NREP: variants seen among roughly 807,000 people sequenced by gnomAD.
NREP encodes the protein neuronal regeneration related protein, also known as neuronal regeneration-related protein.
In NREP, 5 loss-of-function variants were observed where a neutral mutation model predicts 8.6. That is an observed-to-expected ratio of 0.58 (90% CI 0.30 to 1.22). The LOEUF (loss-of-function observed/expected upper bound fraction) is 1.22. Ranked by LOEUF, NREP falls within the 50% of genes most tolerant of loss-of-function variation. NREP has a pLI of 0.07. For missense variants in NREP, 86 were observed against 82.5 expected (o/e 1.04, Z -0.17); for synonymous variants, 27 against 28.0 (o/e 0.96, Z 0.11).
At chr5:111,749,025 G>A (rs1312203169) in intron 2 of NREP, among the ~76,000 whole-genome samples, 1 of 152,136 alleles carries the variant, frequency 6.6e-6, no homozygotes, top group African/African-American at 2.4e-5. Flanking sequence ...GTCAGGAGGT[G>A]TATTCCTTCT....
At chr5:111,933,086 T>G (rs1755588219) in intron 2 of NREP, among the ~76,000 whole-genome samples, 2 of 152,070 alleles carry the variant, frequency 1.3e-5, no homozygotes, top group South Asian at 4.1e-4. Flanking sequence ...TTGAAAGAAT[T>G]TTTTTGACTC....
intron 2 of NREP, among the ~76,000 whole-genome samples, chr5:111,807,530 T>A (rs1176925072): frequency 6.6e-6 from 1 of 152,158 alleles, no homozygotes; most frequent in Admixed American, 6.5e-5. Context: ...AGAAAATTTC[T>A]ACTTTTAAGA....
At chr5:111,793,728 A>G (rs1010738934) in intron 2 of NREP, among the ~76,000 whole-genome samples, 2 of 152,310 alleles carry the variant, frequency 1.3e-5, no homozygotes, top group African/African-American at 4.8e-5. Flanking sequence ...TTTACGCTCA[A>G]TGAATGCTAA....
At chr5:111,962,751 G>A (rs1756514700) in intron 2 of NREP, among the ~76,000 whole-genome samples, 1 of 152,168 alleles carries the variant, frequency 6.6e-6, no homozygotes, top group Admixed American at 6.5e-5. Flanking sequence ...AGTCGGTAGA[G>A]AGAGAAAGAA....
chr5:111,772,423 A>G (rs1197680827), intron 2 of NREP, among the ~76,000 whole-genome samples: 1 of 152,182 alleles, frequency 6.6e-6, no homozygotes, highest in Non-Finnish European at 1.5e-5. Context: ...TTTCATCATT[A>G]ATATACAAAA....
intron 2 of NREP, chr5:111,738,691 C>G (rs1749379921): frequency 3.3e-5 from 5 of 152,116 alleles, no homozygotes; most frequent in Admixed American, 3.3e-4. Flanking sequence ...GGTGATCAAT[C>G]CACAAAAATT....
At chr5:111,787,461 G>T (rs1751638231) in intron 2 of NREP, among the ~76,000 whole-genome samples, 1 of 151,922 alleles carries the variant, frequency 6.6e-6, no homozygotes, top group Non-Finnish European at 1.5e-5. Context: ...CCAAAAGCAA[G>T]CCCATGATAG....
chr5:111,904,012 T>A (rs1754715868), intron 2 of NREP, among the ~76,000 whole-genome samples: 1 of 152,126 alleles, frequency 6.6e-6, no homozygotes, highest in Non-Finnish European at 1.5e-5. Context: ...CATAGAACAT[T>A]AATACTTGAG....
intron 2 of NREP, among the ~76,000 whole-genome samples, chr5:111,847,327 A>G (rs1366526745): frequency 6.6e-6 from 1 of 152,056 alleles, no homozygotes; most frequent in Non-Finnish European, 1.5e-5. Context: ...AAAGATCTTG[A>G]GTCTCTTTTT....
At chr5:111,735,023 G>C (rs1748974236) in intron 3 of NREP, 2 of 356,530 alleles carry the variant, frequency 5.6e-6, no homozygotes, top group East Asian at 9.0e-5. Flanking sequence ...CAGTTTTTTT[G>C]TTCCTCCCTT....
chr5:111,802,933 A>C (rs970954747), intron 2 of NREP, among the ~76,000 whole-genome samples: 1 of 152,254 alleles, frequency 6.6e-6, no homozygotes, highest in African/African-American at 2.4e-5. Flanking sequence ...AGAAGCAAGA[A>C]AGGATATGAA....
intron 2 of NREP, among the ~76,000 whole-genome samples, chr5:111,841,898 G>A (rs916288638): frequency 1.3e-5 from 2 of 152,122 alleles, no homozygotes; most frequent in African/African-American, 4.8e-5. Flanking sequence ...GAAGGCTAGA[G>A]TCCAAGATGC....
chr5:111,781,153 C>T (rs1751484179), intron 2 of NREP, among the ~76,000 whole-genome samples: 1 of 152,220 alleles, frequency 6.6e-6, no homozygotes, highest in East Asian at 1.9e-4. Flanking sequence ...CTCCCACCCT[C>T]CACTTCTGAT....
At chr5:111,905,778 G>A (rs1490031121) in intron 2 of NREP, among the ~76,000 whole-genome samples, 4 of 152,030 alleles carry the variant, frequency 2.6e-5, no homozygotes, top group African/African-American at 4.8e-5. Flanking sequence ...TACATGCAGA[G>A]TATTTTTATA....
chr5:111,812,723 A>G (rs1198125805), intron 2 of NREP, among the ~76,000 whole-genome samples: 1 of 152,152 alleles, frequency 6.6e-6, no homozygotes, highest in African/African-American at 2.4e-5. Flanking sequence ...TGCCATTTCT[A>G]TGTAACTCAG....
rs1179899007 is a variant in NREP at position 111,791,189 on chromosome 5, C to T, written c.136-55682G>A. Reference sequence around the variant, plus strand: ...CATTAAATCAAACTAATTAATGTATCTATTATCTCACATTCTTACCACTTT... The same window carrying T: ...CATTAAATCAAACTAATTAATGTATTTATTATCTCACATTCTTACCACTTT... On this transcript the variant is annotated intron_variant, in intron 2 of 3. Transcript: ENST00000395634. Among the ~76,000 whole-genome samples the T allele has an allele frequency of 2.6e-5, 4 of 152,296 alleles. No individual in the cohort carries two copies. The East Asian group carries it at 7.7e-4, about 29-fold the overall frequency.
chr5:111,891,136 G>A (rs968426987), intron 2 of NREP, among the ~76,000 whole-genome samples: 2 of 152,176 alleles, frequency 1.3e-5, no homozygotes, highest in African/African-American at 4.8e-5. Context: ...ATGCAGTCGT[G>A]CCATGTCTAG....
At chr5:111,865,518 C>T (rs1581173782) in intron 2 of NREP, among the ~76,000 whole-genome samples, 1 of 152,260 alleles carries the variant, frequency 6.6e-6, no homozygotes, top group Middle Eastern at 3.4e-3. Context: ...TACTGAATCA[C>T]CTCGCCCAGT....
chr5:111,827,674 T>C (rs1293651351), intron 2 of NREP, among the ~76,000 whole-genome samples: 1 of 152,058 alleles, frequency 6.6e-6, no homozygotes, highest in East Asian at 1.9e-4. Flanking sequence ...AAACCTTGTC[T>C]CTACTAAAAA....
Sources: allele counts gnomAD v4.1 joint callset (sites outside exome capture counted in the v4.1 genomes callset), GRCh38; gene constraint gnomAD v4.1.1; transcripts MANE v1.5; gene names NCBI Gene and HGNC (gene_info 2026-07-23, HGNC 2026-07-21).